The following RBFOX1 variants were observed in gnomAD, a reference collection of about 807,000 sequenced individuals.
The protein encoded by RBFOX1 is RNA binding fox-1 homolog 1, also known as RNA binding protein fox-1 homolog 1.
Under a neutral mutation model 57.7 loss-of-function variants are expected in RBFOX1, and 8 were observed. The ratio of observed to expected loss-of-function variants is 0.14; its 90% CI spans 0.08 to 0.25. RBFOX1 has a LOEUF of 0.25. RBFOX1 is among the 10% of genes least tolerant of loss of function. RBFOX1 has a pLI of 1.00. For missense variants in RBFOX1, 611 were observed against 548.5 expected, an observed-to-expected ratio of 1.11 and a Z score of -1.14; for synonymous variants, 326 against 222.4, an observed-to-expected ratio of 1.47 and a Z score of -4.15.
At chr16:7,518,785 G>A (rs10459844) in intron 5 of RBFOX1, among the ~76,000 whole-genome samples, 57,334 of 152,030 alleles carry the variant, frequency 0.38, 11,827 homozygotes, top group East Asian at 0.68. Flanking sequence ...CACTTTGGGA[G>A]GCCGAGATGG....
chr16:5,371,174 C>G (rs1458402116), intron 1 of RBFOX1, among the ~76,000 whole-genome samples: 1 of 152,180 alleles, frequency 6.6e-6, no homozygotes. Flanking sequence ...TCTCAAACTC[C>G]TGACCTCAGG....
At position 6,977,937 on chromosome 16, in the gene RBFOX1, G is replaced by GAAAAAAAAAAAAA. The variant is rs1555705863; in HGVS notation, c.-15-74118_-15-74106dup. 1.1e-3 allele frequency among the ~76,000 whole-genome samples: 90 copies of GAAAAAAAAAAAAA among 79,440 alleles called. 1 individual carries two copies. The highest frequency in any genetic ancestry group is 3.8e-3 in the African/African-American group (89 of 23,686). The allele number at this position is 79,440 out of a possible 152,430, so 52.1% of individuals were successfully genotyped here. ...AACTGCCTCTTCCAGCCTCCCCAGGGAAAAAAAAAAAAAAGGCAAACCTCC... is the reference window on the plus strand; with the variant it reads ...AACTGCCTCTTCCAGCCTCCCCAGGGAAAAAAAAAAAAAAAAAAAAAAAAAAAGGCAAACCTCC... On this transcript the variant is annotated intron_variant, in intron 3 of 15. Transcript: ENST00000550418.
intron 3 of RBFOX1, among the ~76,000 whole-genome samples, chr16:5,687,525 A>G (rs141415174): frequency 4.0e-4 from 61 of 152,342 alleles, no homozygotes; most frequent in African/African-American, 1.4e-3. Flanking sequence ...TTTGATATCA[A>G]TACATGATTA....
At chr16:5,329,438 C>T (rs1465016348) in intron 1 of RBFOX1, among the ~76,000 whole-genome samples, 1 of 152,100 alleles carries the variant, frequency 6.6e-6, no homozygotes, top group African/African-American at 2.4e-5. Context: ...ATGACAAGAA[C>T]AGCACCAAAG....
chr16:6,154,626 A>G (rs1008711109), intron 1 of RBFOX1, among the ~76,000 whole-genome samples: 2 of 152,156 alleles, frequency 1.3e-5, no homozygotes, highest in Non-Finnish European at 2.9e-5. Flanking sequence ...GAGAGAATCT[A>G]CTCTTGGTAT....
intron 2 of RBFOX1, among the ~76,000 whole-genome samples, chr16:6,550,191 G>C (rs549805789): frequency 6.6e-6 from 1 of 151,844 alleles, no homozygotes; most frequent in African/African-American, 2.4e-5. Flanking sequence ...TTGGGGGTTG[G>C]CGGGGGGACA....
rs138795405 is a variant in RBFOX1, at chr16:7,522,113, A to G, written c.270+3724A>G. On this transcript the variant is annotated intron_variant, in intron 5 of 15. Transcript: ENST00000550418. The stretch of plus-strand genomic sequence containing the variant: ...GGGTCACTGAGGAGCTTCATATCCA[A>G]ATACATGGAATGAAGACCATTTCAT... Among the ~76,000 whole-genome samples the G allele has an allele frequency of 5.8e-3, 877 of 152,268 alleles. 3 individuals carry two copies. Among genetic ancestry groups the G allele is most frequent in the Middle Eastern group, 0.037 (11 of 294 alleles).
At chr16:5,246,752 C>T (rs990710104) in intron 1 of RBFOX1, among the ~76,000 whole-genome samples, 2 of 151,776 alleles carry the variant, frequency 1.3e-5, no homozygotes, top group African/African-American at 2.4e-5. Context: ...CTGACTGCAG[C>T]CTTGGCCTCC....
intron 3 of RBFOX1, among the ~76,000 whole-genome samples, chr16:7,035,125 G>C (rs2044002782): frequency 6.6e-6 from 1 of 151,928 alleles, no homozygotes; most frequent in Non-Finnish European, 1.5e-5. Flanking sequence ...TGGGATTACA[G>C]GTGTGAGCCG....
chr16:5,961,809 T>G (rs1394165271), intron 4 of RBFOX1, among the ~76,000 whole-genome samples: 1 of 152,210 alleles, frequency 6.6e-6, no homozygotes, highest in Non-Finnish European at 1.5e-5. Context: ...GTTGCATGCA[T>G]GAGTCATCAT....
At chr16:6,035,689 T>A (rs1054541578) in intron 1 of RBFOX1, among the ~76,000 whole-genome samples, 2 of 152,136 alleles carry the variant, frequency 1.3e-5, no homozygotes, top group Non-Finnish European at 2.9e-5. Context: ...TTTTCCCCCC[T>A]CATCAGCGTC....
chr16:6,918,903 A>T (rs961093292), intron 3 of RBFOX1, among the ~76,000 whole-genome samples: 7 of 152,120 alleles, frequency 4.6e-5, no homozygotes, highest in African/African-American at 1.7e-4. Context: ...GGGGGTGGGG[A>T]GGAAAGTGGC....
At chr16:6,125,189 A>G (rs1294883044) in intron 1 of RBFOX1, among the ~76,000 whole-genome samples, 1 of 152,198 alleles carries the variant, frequency 6.6e-6, no homozygotes, top group Non-Finnish European at 1.5e-5. Context: ...CTCCTCTTAC[A>G]GTCATATCTT....
At chr16:6,777,959 A>AG (rs2079662469) in intron 3 of RBFOX1, among the ~76,000 whole-genome samples, 4 of 152,172 alleles carry the variant, frequency 2.6e-5, no homozygotes, top group African/African-American at 9.7e-5. Flanking sequence ...TAATATCTGA[A>AG]TGTGAGCAGC....
intron 4 of RBFOX1, among the ~76,000 whole-genome samples, chr16:7,198,226 C>T (rs2087302180): frequency 6.6e-6 from 1 of 151,964 alleles, no homozygotes; most frequent in Non-Finnish European, 1.5e-5. Flanking sequence ...AGGATGTTTT[C>T]AATCTCCTAA....
intron 2 of RBFOX1, among the ~76,000 whole-genome samples, chr16:6,419,687 C>T (rs2093721741): frequency 6.6e-6 from 1 of 152,140 alleles, no homozygotes; most frequent in Non-Finnish European, 1.5e-5. Flanking sequence ...AGGCATCCCA[C>T]CATTCCCGTT....
chr16:6,219,791 A>G (rs2152875978), intron 1 of RBFOX1, among the ~76,000 whole-genome samples: 1 of 152,224 alleles, frequency 6.6e-6, no homozygotes, highest in South Asian at 2.1e-4. Context: ...CAGGAGAATC[A>G]CTTGAACCCA....
intron 1 of RBFOX1, among the ~76,000 whole-genome samples, chr16:5,256,566 C>A (rs1217962781): frequency 2.0e-5 from 3 of 151,922 alleles, no homozygotes; most frequent in Admixed American, 2.0e-4. Context: ...TATTTGAATG[C>A]AAAGTGTTCT....
chr16:7,272,087 G>A (rs541210542), intron 4 of RBFOX1, among the ~76,000 whole-genome samples: 2 of 152,240 alleles, frequency 1.3e-5, no homozygotes, highest in South Asian at 4.1e-4. Context: ...TATCCCCATT[G>A]TCGGCGTTTG....
Sources: gnomAD v4.1 joint callset for allele counts (sites outside exome capture counted in the v4.1 genomes callset) on GRCh38, gnomAD v4.1.1 for gene constraint, MANE v1.5 for transcripts, NCBI Gene and HGNC (gene_info 2026-07-23, HGNC 2026-07-21) for gene names.